The following EIF2S1 variants were observed in gnomAD, a reference collection of about 807,000 sequenced individuals.
EIF2S1 encodes the protein eukaryotic translation initiation factor 2 subunit 1.
A neutral mutation model predicts 33.5 loss-of-function variants in EIF2S1; 5 were observed. The ratio of observed to expected loss-of-function variants is 0.15; its 90% CI spans 0.08 to 0.31. The LOEUF (loss-of-function observed/expected upper bound fraction) is 0.31. Ranked by LOEUF, EIF2S1 falls within the 10% of genes least tolerant of loss-of-function variation. The pLI is 1.00. For missense variants in EIF2S1, 191 were observed against 384.6 expected, an observed-to-expected ratio of 0.50 and a Z score of 4.21; for synonymous variants, 99 against 127.5, an observed-to-expected ratio of 0.78 and a Z score of 1.51.
chr14:67,375,794 T>A (rs1253323198), intron 3 of EIF2S1, among the ~76,000 whole-genome samples: 3 of 152,212 alleles, frequency 2.0e-5, no homozygotes, highest in Non-Finnish European at 4.4e-5. Flanking sequence ...AAATACAGAC[T>A]CTCAGGTCCT....
chr14:67,361,437 A>G (rs1025289401), intron 1 of EIF2S1, among the ~76,000 whole-genome samples: 5 of 152,246 alleles, frequency 3.3e-5, no homozygotes, highest in African/African-American at 7.2e-5. Flanking sequence ...TTTTTCAACT[A>G]TAATGATGAA....
chr14:67,383,188 G>A (rs2085899155), intron 7 of EIF2S1, 127 bp from the exon 8 acceptor site: 1 of 1,049,894 alleles, frequency 9.5e-7, no homozygotes, highest in Non-Finnish European at 1.3e-6. Context: ...TCACTCAAAA[G>A]TGAACAGATA....
chr14:67,382,687 T>G (rs2085894419), intron 7 of EIF2S1, 97 bp downstream of exon 7: 1 of 1,401,920 alleles, frequency 7.1e-7, no homozygotes, highest in Non-Finnish European at 1.0e-6. Flanking sequence ...AATGTCATAT[T>G]GTAGGATGGT....
At chr14:67,381,714 C>T in intron 6 of EIF2S1, 24 bp downstream of exon 6, 1 of 1,541,842 alleles carries the variant, frequency 6.5e-7, no homozygotes, top group Non-Finnish European at 8.9e-7. Flanking sequence ...TGTCTCCCTC[C>T]CTGCTGAAAT....
At chr14:67,376,641 C>T in intron 4 of EIF2S1, 51 bp downstream of exon 4, 2 of 1,571,798 alleles carry the variant, frequency 1.3e-6, no homozygotes, top group Non-Finnish European at 1.7e-6. Context: ...CAACTCTTGG[C>T]CTGATATTTA....
At chr14:67,382,299 G>T (rs761344724) in intron 6 of EIF2S1, 148 bp from the exon 7 acceptor site, 77 of 595,312 alleles carry the variant, frequency 1.3e-4, no homozygotes, top group Non-Finnish European at 2.0e-4. Context: ...TGCCAATTCT[G>T]TAGGACCCTA....
At chr14:67,362,415 C>T (rs116593904) in intron 1 of EIF2S1, among the ~76,000 whole-genome samples, 113 of 152,096 alleles carry the variant, frequency 7.4e-4, no homozygotes, top group African/African-American at 2.7e-3. Flanking sequence ...ATGGAAATAC[C>T]TTCTTTTTCT....
intron 2 of EIF2S1, among the ~76,000 whole-genome samples, chr14:67,365,501 A>G (rs1245611804): frequency 1.3e-5 from 2 of 152,242 alleles, no homozygotes; most frequent in Non-Finnish European, 2.9e-5. Flanking sequence ...AACATTGTAT[A>G]TCTTGCTGGT....
chr14:67,375,911 G>A (rs181320070), intron 3 of EIF2S1, among the ~76,000 whole-genome samples: 51 of 152,292 alleles, frequency 3.3e-4, no homozygotes, highest in African/African-American at 1.2e-3. Context: ...TGTTAAAATG[G>A]AAGAGTTATT....
At chr14:67,381,997 G>GT (rs2141153098) in intron 6 of EIF2S1, among the ~76,000 whole-genome samples, 1 of 152,166 alleles carries the variant, frequency 6.6e-6, no homozygotes, top group Admixed American at 6.5e-5. Context: ...TTAAAAAAGA[G>GT]TAACACTTTC....
intron 4 of EIF2S1, among the ~76,000 whole-genome samples, chr14:67,378,969 T>C (rs565943453): frequency 6.6e-6 from 1 of 152,338 alleles, no homozygotes; most frequent in African/African-American, 2.4e-5. Flanking sequence ...AAATGTAACC[T>C]ATTGTATCTT....
At position 67,376,449 on chromosome 14, in the gene EIF2S1, T is replaced by C; in HGVS notation, c.332T>C (p.Ile111Thr). ...TCATTTTATTTCTAGGTTTATAGCA[T>C]TCTTCGTCATGTTGCTGAGGTGTTA... ...KFTKSKTVYSILRHVAEVLEY... is the reference protein window; with the variant it reads ...KFTKSKTVYSTLRHVAEVLEY... The change falls in exon 4 of 8, where the codon ATT becomes ACT. Residue 111 changes from isoleucine (I) to threonine (T), a missense_variant. Physicochemically the swap from Ile to Thr is moderately conservative, Grantham distance 89. Transcript: ENST00000256383. 1 of 1,608,842 alleles carries C rather than the reference T, an allele frequency of 6.2e-7. No individual in the cohort carries two copies. Among genetic ancestry groups the C allele is most frequent in the Non-Finnish European group, 8.5e-7 (1 of 1,177,510 alleles).
chr14:67,375,296 C>T (rs1307188433), intron 3 of EIF2S1, among the ~76,000 whole-genome samples: 2 of 149,896 alleles, frequency 1.3e-5, no homozygotes, highest in Non-Finnish European at 3.0e-5. Flanking sequence ...CAAAGTCTTT[C>T]CCAGACTGGA....
intron 2 of EIF2S1, among the ~76,000 whole-genome samples, chr14:67,367,061 T>C (rs2085784019): frequency 6.6e-6 from 1 of 152,116 alleles, no homozygotes; most frequent in East Asian, 1.9e-4. Flanking sequence ...CCTAAGTCTA[T>C]ATAAATTCTT....
chr14:67,365,463 T>C (rs1405104461), intron 2 of EIF2S1, among the ~76,000 whole-genome samples: 1 of 152,242 alleles, frequency 6.6e-6, no homozygotes, highest in Non-Finnish European at 1.5e-5. Context: ...AGCAATATAC[T>C]ATGCGTGTAT....
chr14:67,366,495 A>G (rs1037674565), intron 2 of EIF2S1, among the ~76,000 whole-genome samples: 6 of 152,278 alleles, frequency 3.9e-5, no homozygotes, highest in African/African-American at 9.6e-5. Context: ...AGATATTTCC[A>G]TAGCATTTGT....
chr14:67,370,941 A>G (rs997232143), intron 2 of EIF2S1, among the ~76,000 whole-genome samples: 1 of 152,082 alleles, frequency 6.6e-6, no homozygotes, highest in Admixed American at 6.6e-5. Context: ...AGGTTGGAGG[A>G]TTGCTTGAGG....
At chr14:67,381,750 T>G in intron 6 of EIF2S1, 60 bp downstream of exon 6, 1 of 1,242,478 alleles carries the variant, frequency 8.0e-7, no homozygotes, top group Non-Finnish European at 1.1e-6. Flanking sequence ...ATAGGATCTT[T>G]GATCTTTGTT....
chr14:67,363,300 G>A (rs2085754563), intron 1 of EIF2S1, among the ~76,000 whole-genome samples: 1 of 150,112 alleles, frequency 6.7e-6, no homozygotes, highest in South Asian at 2.1e-4. Flanking sequence ...CTCTTTATTT[G>A]CTAAATCCCT....
Sources: allele counts gnomAD v4.1 joint callset (sites outside exome capture counted in the v4.1 genomes callset), GRCh38; gene constraint gnomAD v4.1.1; transcripts MANE v1.5; gene names NCBI Gene and HGNC (gene_info 2026-07-23, HGNC 2026-07-21).